Variants in SPOP observed in about 807,000 individuals in gnomAD.
SPOP encodes speckle-type POZ protein.
In SPOP, 11 loss-of-function variants were observed where a neutral mutation model predicts 45.6. The ratio of observed to expected loss-of-function variants is 0.24; its 90% CI spans 0.15 to 0.40. The LOEUF is 0.40. Among genes scored for constraint, SPOP ranks in the 10% least tolerant of loss-of-function variants. SPOP has a pLI of 1.00. For missense variants in SPOP, 152 were observed against 465.6 expected, an observed-to-expected ratio of 0.33 and a Z score of 6.20; for synonymous variants, 166 against 166.3, an observed-to-expected ratio of 1.00 and a Z score of 0.01.
In SPOP at chr17:49,599,301, T is replaced by C; in HGVS notation, c.*1077A>G. The C allele has an allele frequency of 4.5e-6, 1 of 221,058 alleles. No individual in the cohort carries two copies. Among genetic ancestry groups the C allele is most frequent in the East Asian group, 6.6e-5 (1 of 15,160 alleles). 13.7% of individuals were successfully genotyped at this position (221,058 alleles called of 1,614,324 possible). ...CCACACAGTACAAAATAGTAATTAT[T>C]TATATTTTCAAAAAAAAAAAAATTA... On this transcript the variant is annotated 3_prime_UTR_variant, in exon 10 of 10. Transcript: ENST00000504102.
chr17:49,655,520 AAAAG>A (rs2072897910), intron 1 of SPOP, among the ~76,000 whole-genome samples: 2 of 152,320 alleles, frequency 1.3e-5, no homozygotes, highest in East Asian at 1.9e-4. Flanking sequence ...CCAAAAAAAA[AAAAG>A]AAAGGAAATT....
chr17:49,625,647 C>A (rs2072314034), intron 1 of SPOP, among the ~76,000 whole-genome samples: 1 of 151,922 alleles, frequency 6.6e-6, no homozygotes, highest in African/African-American at 2.4e-5. Flanking sequence ...ATCTACAGCA[C>A]CATGGACATC....
chr17:49,646,898 A>T (rs2143469426), intron 1 of SPOP, among the ~76,000 whole-genome samples: 1 of 152,296 alleles, frequency 6.6e-6, no homozygotes, highest in South Asian at 2.1e-4. Context: ...ATGGTCTTTT[A>T]TTCAACATGT....
At chr17:49,624,238 TTAA>T (rs1382551686) in intron 1 of SPOP, among the ~76,000 whole-genome samples, 1 of 149,150 alleles carries the variant, frequency 6.7e-6, no homozygotes, top group African/African-American at 2.6e-5. Context: ...AGGGCTATAC[TTAA>T]TAATATCGTA....
chr17:49,599,272 G>C lies in SPOP; in HGVS notation c.*1106C>G, dbSNP rs2071695438. ...CAGGTGAGTGAAACAAAAGACCAGA[G>C]ATACCACACAGTACAAAATAGTAAT... On this transcript the variant is annotated 3_prime_UTR_variant, in exon 10 of 10. Coordinates refer to ENST00000504102, the MANE Select transcript of SPOP (RefSeq NM_001007228.2). 1 of 218,368 alleles carries C rather than the reference G, an allele frequency of 4.6e-6. No individual in the cohort carries two copies. The highest frequency in any genetic ancestry group is 5.8e-5 in the Admixed American group (1 of 17,124). The allele number at this position is 218,368 out of a possible 1,614,324, so 13.5% of individuals were successfully genotyped here. A position where few individuals can be genotyped will look rare whatever the true frequency, so the allele number is the denominator to read the frequency against.
At chr17:49,607,484 A>G (rs1224933312) in intron 7 of SPOP, 112 bp from the exon 8 acceptor site, 1 of 1,340,114 alleles carries the variant, frequency 7.5e-7, no homozygotes, top group African/African-American at 1.5e-5. Context: ...ATCATTTAAA[A>G]CCTAACATTA....
At chr17:49,643,512 T>C (rs1489947659) in intron 1 of SPOP, among the ~76,000 whole-genome samples, 1 of 152,254 alleles carries the variant, frequency 6.6e-6, no homozygotes, top group Non-Finnish European at 1.5e-5. Flanking sequence ...TGGCTAAGAA[T>C]GCTTCAAGAA....
intron 1 of SPOP, 117 bp from the exon 2 acceptor site, chr17:49,622,993 A>C (rs1597928518): frequency 1.8e-6 from 1 of 556,624 alleles, no homozygotes; most frequent in Non-Finnish European, 3.2e-6. Context: ...GTGGCTCCTT[A>C]CCACTGAGGT....
chr17:49,620,060 C>T (rs965009117), intron 3 of SPOP, among the ~76,000 whole-genome samples: 1 of 152,052 alleles, frequency 6.6e-6, no homozygotes, highest in African/African-American at 2.4e-5. Flanking sequence ...ATCCCAGCTA[C>T]TCAGGAGGCT....
intron 1 of SPOP, among the ~76,000 whole-genome samples, chr17:49,663,751 T>C (rs1053343141): frequency 6.6e-6 from 1 of 152,202 alleles, no homozygotes; most frequent in Non-Finnish European, 1.5e-5. Context: ...AAACTGGTTA[T>C]TTAGACATGA....
intron 8 of SPOP, 58 bp downstream of exon 8, chr17:49,607,191 TG>T (rs1201718517): frequency 6.2e-7 from 1 of 1,609,572 alleles, no homozygotes; most frequent in African/African-American, 1.3e-5. Flanking sequence ...ATCCTGTTCA[TG>T]AAACACAAGA....
At chr17:49,606,827 C>T (rs2071861952) in intron 8 of SPOP, among the ~76,000 whole-genome samples, 1 of 152,060 alleles carries the variant, frequency 6.6e-6, no homozygotes, top group Admixed American at 6.6e-5. Flanking sequence ...TATTTGTGAT[C>T]TGAGATTGGT....
chr17:49,627,043 G>T (rs2072347297), intron 1 of SPOP, among the ~76,000 whole-genome samples: 1 of 152,056 alleles, frequency 6.6e-6, no homozygotes, highest in Non-Finnish European at 1.5e-5. Flanking sequence ...TAGAGACAGG[G>T]TTTCACCATG....
At chr17:49,625,569 T>C (rs1052031704) in intron 1 of SPOP, among the ~76,000 whole-genome samples, 31 of 152,036 alleles carry the variant, frequency 2.0e-4, no homozygotes, top group Middle Eastern at 3.4e-3. Flanking sequence ...GATCGCACCA[T>C]TGCACTCCAG....
At position 49,607,226 on chromosome 17, in the gene SPOP, ATTAT is replaced by A. The variant is rs777332462; in HGVS notation, c.837+20_837+23del. 9.9e-6 allele frequency: 16 copies of A among 1,613,958 alleles called. No homozygotes were observed. In the South Asian group the frequency reaches 1.4e-4, roughly 14 times the overall value. ...GAAGTCACAATAACTCCTAGTCCTG[ATTAT>A]TTTTCTATTCTTATCTTACCTTGTC... is the stretch of plus-strand genomic sequence containing the variant. On this transcript the variant is annotated intron_variant, in intron 8 of 9. Transcript: ENST00000504102.
In SPOP at chr17:49,630,607, C is replaced by CTTTAT. The variant is rs1555577014; in HGVS notation, c.-66-7732_-66-7731insATAAA. On this transcript the variant is annotated intron_variant, in intron 1 of 9. Coordinates refer to ENST00000504102, the MANE Select transcript of SPOP (RefSeq NM_001007228.2). ...TTAAAGATGCCTGTTTTTTTGTTTT[C>CTTTAT]TTTAAATTTTTTTTAAAAAAAATTT... 1.5e-4 allele frequency among the ~76,000 whole-genome samples: 22 copies of CTTTAT among 151,252 alleles called. 1 individual carries two copies. The highest frequency in any genetic ancestry group is 9.9e-4 in the Admixed American group (15 of 15,214).
intron 1 of SPOP, chr17:49,668,075 G>C (rs1567805450): frequency 6.6e-6 from 1 of 152,186 alleles, no homozygotes; most frequent in Non-Finnish European, 1.5e-5. Context: ...GTGGTTCCCA[G>C]AGCCTGGGGG....
chr17:49,608,540 ATCT>A (rs1475736699), intron 6 of SPOP, among the ~76,000 whole-genome samples: 13 of 152,186 alleles, frequency 8.5e-5, no homozygotes, highest in African/African-American at 2.7e-4. Context: ...ACCTGATAAA[ATCT>A]TCTTCCTTAG....
intron 1 of SPOP, among the ~76,000 whole-genome samples, chr17:49,661,832 T>G (rs183951729): frequency 9.0e-4 from 136 of 151,784 alleles, no homozygotes; most frequent in Non-Finnish European, 1.7e-3. Flanking sequence ...TGACCAACAT[T>G]GAGAAACCCC....
Sources: allele counts gnomAD v4.1 joint callset (sites outside exome capture counted in the v4.1 genomes callset), GRCh38; gene constraint gnomAD v4.1.1; transcripts MANE v1.5; gene names NCBI Gene and HGNC (gene_info 2026-07-23, HGNC 2026-07-21).